Variants in ELMO1 observed in about 807,000 individuals in gnomAD.
The protein encoded by ELMO1 is engulfment and cell motility protein 1.
A neutral mutation model predicts 98.9 loss-of-function variants in ELMO1; 26 were observed. The observed-to-expected ratio is 0.26, with a 90% CI of 0.19 to 0.36. The LOEUF is 0.36. Among genes scored for constraint, ELMO1 ranks in the 10% least tolerant of loss-of-function variants. The pLI, the probability that ELMO1 is intolerant of heterozygous loss-of-function variation, is 1.00. For missense variants in ELMO1, 627 were observed against 935.2 expected, an observed-to-expected ratio of 0.67 and a Z score of 4.30; for synonymous variants, 346 against 346.0, an observed-to-expected ratio of 1.00 and a Z score of 0.00.
chr7:37,140,676 AC>A lies in ELMO1; in HGVS notation c.1087-7443del, dbSNP rs1475849840. ...TATCCAGAATTTACAAAGAACTCAA[AC>A]AAATCAGTAAGAAAAAAACAATCCC... On this transcript the variant is annotated intron_variant, in intron 13 of 21. Transcript: ENST00000310758. 2.0e-5 allele frequency among the ~76,000 whole-genome samples: 3 copies of A among 152,334 alleles called. No individual in the cohort carries two copies. The East Asian group carries it at 5.8e-4, about 29-fold the overall frequency.
chr7:37,169,449 T>C (rs1789993779), intron 13 of ELMO1, among the ~76,000 whole-genome samples: 1 of 152,204 alleles, frequency 6.6e-6, no homozygotes. Flanking sequence ...CGCTGGGAGC[T>C]GTAGACCAGA....
chr7:37,096,392 A>G (rs1290472655), intron 15 of ELMO1, among the ~76,000 whole-genome samples: 2 of 152,178 alleles, frequency 1.3e-5, no homozygotes, highest in Non-Finnish European at 2.9e-5. Context: ...AGCCACAATG[A>G]TCTGCAAATT....
intron 13 of ELMO1, among the ~76,000 whole-genome samples, chr7:37,205,653 T>G (rs1233242485): frequency 2.0e-5 from 3 of 152,142 alleles, no homozygotes; most frequent in Non-Finnish European, 4.4e-5. Context: ...GACACCTGTT[T>G]GAAGCATGAG....
intron 1 of ELMO1, among the ~76,000 whole-genome samples, chr7:37,414,930 G>A (rs1015421967): frequency 1.1e-4 from 16 of 152,158 alleles, no homozygotes; most frequent in Admixed American, 2.6e-4. Flanking sequence ...TGCAATGCAC[G>A]TAGCTTGCAG....
At chr7:37,162,820 A>G (rs1789320848) in intron 13 of ELMO1, among the ~76,000 whole-genome samples, 1 of 152,210 alleles carries the variant, frequency 6.6e-6, no homozygotes, top group African/African-American at 2.4e-5. Context: ...TAATGTCCTA[A>G]AATGTGTAAC....
intron 14 of ELMO1, among the ~76,000 whole-genome samples, chr7:37,104,606 G>A (rs942933234): frequency 2.6e-5 from 4 of 152,238 alleles, no homozygotes; most frequent in Admixed American, 6.5e-5. Flanking sequence ...GTCACCTAGA[G>A]AGAGGCGGCC....
intron 16 of ELMO1, among the ~76,000 whole-genome samples, chr7:36,954,901 C>T (rs141629923): frequency 6.6e-6 from 1 of 152,280 alleles, no homozygotes; most frequent in Non-Finnish European, 1.5e-5. Flanking sequence ...TTTTTACAAG[C>T]GTACCAGGTG....
chr7:37,438,963 T>C (rs557538554), intron 1 of ELMO1, among the ~76,000 whole-genome samples: 1 of 152,364 alleles, frequency 6.6e-6, no homozygotes, highest in South Asian at 2.1e-4. Context: ...CGGTGAGTGC[T>C]GGCCTCCCCT....
At chr7:37,171,481 C>CTTTTTT (rs71553100) in intron 13 of ELMO1, among the ~76,000 whole-genome samples, 478 of 44,098 alleles carry the variant, frequency 0.011, 60 homozygotes, top group Middle Eastern at 0.065. Context: ...CCAGGCCTTT[C>CTTTTTT]TATTTTTTTT....
intron 15 of ELMO1, among the ~76,000 whole-genome samples, chr7:37,061,498 C>T (rs1235711376): frequency 2.6e-5 from 4 of 152,142 alleles, no homozygotes; most frequent in African/African-American, 9.7e-5. Flanking sequence ...CTCTTTCCTC[C>T]CTCACTCCCA....
intron 13 of ELMO1, among the ~76,000 whole-genome samples, chr7:37,208,199 T>C (rs1792746767): frequency 6.6e-6 from 1 of 152,250 alleles, no homozygotes; most frequent in Non-Finnish European, 1.5e-5. Context: ...GCTGCTGTGC[T>C]AGTCGCTGGT....
chr7:37,266,164 G>A (rs931769018), intron 5 of ELMO1, among the ~76,000 whole-genome samples: 1 of 152,114 alleles, frequency 6.6e-6, no homozygotes, highest in Non-Finnish European at 1.5e-5. Context: ...CTAGGCCGCT[G>A]AGAGTGATGC....
At chr7:37,070,032 T>G (rs1797187698) in intron 15 of ELMO1, among the ~76,000 whole-genome samples, 1 of 152,174 alleles carries the variant, frequency 6.6e-6, no homozygotes, top group Admixed American at 6.5e-5. Flanking sequence ...AAAATTATAT[T>G]CAAATGAAAC....
chr7:37,294,030 G>C (rs1042358027), intron 4 of ELMO1, among the ~76,000 whole-genome samples: 1 of 152,036 alleles, frequency 6.6e-6, no homozygotes, highest in Non-Finnish European at 1.5e-5. Context: ...TCTTGAATTT[G>C]TTATCTGATG....
chr7:37,080,599 A>G (rs1002485627), intron 15 of ELMO1, among the ~76,000 whole-genome samples: 1 of 123,516 alleles, frequency 8.1e-6, no homozygotes, highest in Non-Finnish European at 1.7e-5. Flanking sequence ...CACCACGCCT[A>G]ATTTTTTTTT....
chr7:37,198,330 G>A (rs1792092135), intron 13 of ELMO1, among the ~76,000 whole-genome samples: 1 of 152,216 alleles, frequency 6.6e-6, no homozygotes, highest in African/African-American at 2.4e-5. Flanking sequence ...CTGGGTTACT[G>A]TAAATGCATT....
intron 8 of ELMO1, among the ~76,000 whole-genome samples, chr7:37,226,561 G>A (rs546062015): frequency 2.6e-5 from 4 of 151,938 alleles, no homozygotes; most frequent in East Asian, 1.9e-4. Context: ...TCACGCTCTC[G>A]GCATAATTCT....
At chr7:37,421,220 C>T (rs1356333945) in intron 1 of ELMO1, among the ~76,000 whole-genome samples, 2 of 152,242 alleles carry the variant, frequency 1.3e-5, no homozygotes, top group Non-Finnish European at 2.9e-5. Flanking sequence ...TCTGCCAACA[C>T]AACAGCCCAT....
chr7:36,891,436 G>T (rs528582524), intron 17 of ELMO1, among the ~76,000 whole-genome samples: 2 of 152,302 alleles, frequency 1.3e-5, no homozygotes, highest in Non-Finnish European at 2.9e-5. Context: ...TGCAGGGTAG[G>T]TATCAGCTTT....
Sources: gnomAD v4.1 joint callset for allele counts (sites outside exome capture counted in the v4.1 genomes callset) on GRCh38, gnomAD v4.1.1 for gene constraint, MANE v1.5 for transcripts, NCBI Gene and HGNC (gene_info 2026-07-23, HGNC 2026-07-21) for gene names.